PIK3C2G: variants seen among roughly 807,000 people sequenced by gnomAD.
PIK3C2G encodes the protein phosphatidylinositol 3-kinase C2 domain-containing subunit gamma.
PIK3C2G carries 168 observed loss-of-function variants against 181.1 expected under a neutral mutation model. The observed-to-expected ratio is 0.93, with a 90% CI of 0.82 to 1.05. The LOEUF is 1.05. Among genes scored for constraint, PIK3C2G ranks in the 50% least tolerant of loss-of-function variants. PIK3C2G has a pLI of 0.00. For synonymous variants in PIK3C2G, 573 were observed against 592.2 expected, an observed-to-expected ratio of 0.97 and a Z score of 0.47; for missense variants, 1,869 against 1,732.8, an observed-to-expected ratio of 1.08 and a Z score of -1.40.
intron 18 of PIK3C2G, among the ~76,000 whole-genome samples, chr12:18,438,661 C>T (rs1489515725): frequency 6.6e-6 from 1 of 151,660 alleles, no homozygotes; most frequent in Admixed American, 6.6e-5. Context: ...ACATTAGTAC[C>T]CATCACTCTA....
intron 5 of PIK3C2G, among the ~76,000 whole-genome samples, chr12:18,296,514 T>C (rs916790530): frequency 6.6e-6 from 1 of 152,116 alleles, no homozygotes; most frequent in Non-Finnish European, 1.5e-5. Flanking sequence ...CAGTACGTGG[T>C]ATAAAAACTA....
chr12:18,320,729 T>C lies in PIK3C2G; in HGVS notation c.1138-233T>C, dbSNP rs572816911. The stretch of plus-strand genomic sequence containing the variant: ...GACCTTGCTGATGCCACGATGTTTT[T>C]CAACTATCTTTCAGGTTTATTCTCA... On this transcript the variant is annotated intron_variant, in intron 6 of 32. Coordinates refer to ENST00000538779, the MANE Select transcript of PIK3C2G (RefSeq NM_001288772.2). Among the ~76,000 whole-genome samples the C allele has an allele frequency of 1.4e-3, 210 of 152,382 alleles. 1 individual carries two copies. Among genetic ancestry groups the C allele is most frequent in the African/African-American group, 4.8e-3 (200 of 41,590 alleles).
chr12:18,619,177 T>C (rs1420127544), intron 31 of PIK3C2G, among the ~76,000 whole-genome samples: 1 of 151,672 alleles, frequency 6.6e-6, no homozygotes, highest in Non-Finnish European at 1.5e-5. Flanking sequence ...AAAAACAACA[T>C]ATGGTATATG....
chr12:18,314,891 T>G (rs1057434816), intron 6 of PIK3C2G, among the ~76,000 whole-genome samples: 2 of 152,226 alleles, frequency 1.3e-5, no homozygotes, highest in Admixed American at 1.3e-4. Context: ...TAAACTTTCA[T>G]AATATATATA....
chr12:18,349,317 G>A (rs1939990374), intron 11 of PIK3C2G, among the ~76,000 whole-genome samples: 1 of 151,852 alleles, frequency 6.6e-6, no homozygotes, highest in East Asian at 1.9e-4. Context: ...AAACTGAGGG[G>A]GTAAAATAAC....
At chr12:18,624,762 C>T (rs968221031) in intron 31 of PIK3C2G, among the ~76,000 whole-genome samples, 17 of 151,668 alleles carry the variant, frequency 1.1e-4, no homozygotes, top group East Asian at 1.9e-4. Flanking sequence ...ATGATTCAGT[C>T]TTCATAGGTA....
intron 18 of PIK3C2G, among the ~76,000 whole-genome samples, chr12:18,429,123 C>G (rs1398052903): frequency 1.3e-5 from 2 of 151,932 alleles, no homozygotes; most frequent in Admixed American, 6.6e-5. Context: ...CAGGGTGAGC[C>G]CTGAATCCAA....
At chr12:18,445,876 T>A (rs1308049291) in intron 18 of PIK3C2G, among the ~76,000 whole-genome samples, 1 of 152,160 alleles carries the variant, frequency 6.6e-6, no homozygotes, top group African/African-American at 2.4e-5. Context: ...TTGAGTGCAA[T>A]TGCATAGAAC....
At chr12:18,256,044 T>C (rs1445831906) in intron 1 of PIK3C2G, among the ~76,000 whole-genome samples, 1 of 152,196 alleles carries the variant, frequency 6.6e-6, no homozygotes, top group Non-Finnish European at 1.5e-5. Flanking sequence ...TGGTGTAATG[T>C]AAGTATTCAA....
the PIK3C2G span, among the ~76,000 whole-genome samples, chr12:18,664,830 A>C: frequency 6.6e-6 from 1 of 151,786 alleles, no homozygotes; most frequent in Non-Finnish European, 1.5e-5. Flanking sequence ...TGCAGCCACA[A>C]AAAATGATGA....
chr12:18,316,732 A>G (rs1322684897), intron 6 of PIK3C2G, among the ~76,000 whole-genome samples: 2 of 151,636 alleles, frequency 1.3e-5, no homozygotes, highest in Non-Finnish European at 2.9e-5. Context: ...TCTGTCTCAA[A>G]ATAATAATAA....
chr12:18,573,723 AC>A (rs981278941), intron 29 of PIK3C2G, among the ~76,000 whole-genome samples: 3 of 152,108 alleles, frequency 2.0e-5, no homozygotes, highest in Non-Finnish European at 4.4e-5. Context: ...TGCAGCCATC[AC>A]CCAAGCTACC....
chr12:18,324,144 C>G (rs1263601766), intron 7 of PIK3C2G, among the ~76,000 whole-genome samples: 3 of 151,880 alleles, frequency 2.0e-5, no homozygotes, highest in African/African-American at 7.3e-5. Context: ...GACGTGAACC[C>G]CGGGGGGCGG....
chr12:18,711,423 T>C, the PIK3C2G span, among the ~76,000 whole-genome samples: 32 of 146,068 alleles, frequency 2.2e-4, no homozygotes, highest in Middle Eastern at 7.0e-3. Flanking sequence ...TTAGGAGATA[T>C]ACCTAATGCT....
At chr12:18,290,724 G>T in intron 3 of PIK3C2G, 131 bp from the exon 4 acceptor site, 1 of 647,890 alleles carries the variant, frequency 1.5e-6, no homozygotes. Context: ...ATTACTGATT[G>T]CTTTCATCTT....
chr12:18,307,444 T>C (rs1449212978), intron 5 of PIK3C2G, among the ~76,000 whole-genome samples: 1 of 151,890 alleles, frequency 6.6e-6, no homozygotes, highest in Non-Finnish European at 1.5e-5. Flanking sequence ...TTATAGATGA[T>C]TATTAAATAA....
chr12:18,702,908 C>T, the PIK3C2G span, among the ~76,000 whole-genome samples: 2 of 150,648 alleles, frequency 1.3e-5, no homozygotes, highest in Non-Finnish European at 2.9e-5. Context: ...GCAACCTCCG[C>T]CTCCTGGGTT....
intron 4 of PIK3C2G, among the ~76,000 whole-genome samples, chr12:18,292,226 AAATATATATAT>A (rs1238891340): frequency 1.0e-5 from 1 of 96,406 alleles, no homozygotes; most frequent in Non-Finnish European, 2.0e-5. Context: ...AAAAAAAAAA[AAATATATATAT>A]ATATATATAT....
intron 8 of PIK3C2G, among the ~76,000 whole-genome samples, chr12:18,337,478 GAA>G (rs1235248190): frequency 6.6e-6 from 1 of 152,106 alleles, no homozygotes; most frequent in Non-Finnish European, 1.5e-5. Context: ...AATTTATAAA[GAA>G]AAGAGGTTGA....
Sources: allele counts gnomAD v4.1 joint callset (sites outside exome capture counted in the v4.1 genomes callset), GRCh38; gene constraint gnomAD v4.1.1; transcripts MANE v1.5; gene names NCBI Gene and HGNC (gene_info 2026-07-23, HGNC 2026-07-21).